PINX1: variants seen among roughly 807,000 people sequenced by gnomAD.
PINX1 encodes the protein PIN2 (TERF1) interacting telomerase inhibitor 1, also known as PIN2/TERF1-interacting telomerase inhibitor 1.
In PINX1, 34 loss-of-function variants were observed where a neutral mutation model predicts 25.4. That is an observed-to-expected ratio of 1.34 (90% CI 1.02 to 1.78). The LOEUF is 1.78. Among genes scored for constraint, PINX1 ranks in the 40% most tolerant of loss-of-function variants. The pLI, the probability that PINX1 is intolerant of heterozygous loss-of-function variation, is 0.00. For missense variants in PINX1, 592 were observed against 404.9 expected (o/e 1.46, Z -3.97); for synonymous variants, 197 against 147.7 (o/e 1.33, Z -2.42).
chr8:10,832,776 G>A, intron 3 of PINX1, 116 bp downstream of exon 3: 1 of 591,620 alleles, frequency 1.7e-6, no homozygotes, highest in South Asian at 2.3e-5. Flanking sequence ...GAGGAAACGT[G>A]AATAAAAAGA....
At chr8:10,829,687 A>T (rs1347430813) in intron 4 of PINX1, among the ~76,000 whole-genome samples, 3 of 128,450 alleles carry the variant, frequency 2.3e-5, no homozygotes, top group Admixed American at 1.5e-4. Context: ...ACATTCTTAC[A>T]TTCTTTTTTT....
intron 6 of PINX1, among the ~76,000 whole-genome samples, chr8:10,802,504 G>A (rs372962230): frequency 6.6e-6 from 1 of 152,154 alleles, no homozygotes; most frequent in East Asian, 1.9e-4. Context: ...TACTTTTTGG[G>A]CTTGCTCCCA....
At position 10,780,506 on chromosome 8, in the gene PINX1, T is replaced by C. The variant is rs973461147; in HGVS notation, c.472-14590A>G. Among the ~76,000 whole-genome samples, 49 of 152,256 alleles carry C rather than the reference T, an allele frequency of 3.2e-4. 1 individual carries two copies. Among genetic ancestry groups the C allele is most frequent in the African/African-American group, 9.1e-4 (38 of 41,540 alleles). ...CCATCTGTTAATATAATGCATTACA[T>C]TGACTGACTTACACAGTTAAACCAG... On this transcript the variant is annotated intron_variant, in intron 6 of 6. Transcript: ENST00000314787.
chr8:10,772,545 C>T (rs1023567339), intron 6 of PINX1, among the ~76,000 whole-genome samples: 6 of 152,212 alleles, frequency 3.9e-5, no homozygotes, highest in African/African-American at 1.4e-4. Context: ...AAATCTTGTA[C>T]ATTTTTCAAG....
At chr8:10,837,677 G>T (rs1173737938) in intron 1 of PINX1, among the ~76,000 whole-genome samples, 1 of 151,944 alleles carries the variant, frequency 6.6e-6, no homozygotes, top group Non-Finnish European at 1.5e-5. Context: ...TGGGTCTGTC[G>T]GGATACTTTT....
intron 5 of PINX1, chr8:10,825,569 C>T (rs1373439512): frequency 2.3e-6 from 1 of 434,104 alleles, no homozygotes; most frequent in Non-Finnish European, 4.7e-6. Context: ...TGGGAAGGGG[C>T]TAGGGAGGTG....
intron 6 of PINX1, among the ~76,000 whole-genome samples, chr8:10,815,417 AC>A (rs1450046931): frequency 5.3e-5 from 8 of 152,350 alleles, no homozygotes; most frequent in African/African-American, 1.9e-4. Flanking sequence ...CACATTCTTT[AC>A]TTGGCATAGT....
At chr8:10,833,334 T>G (rs961170624) in intron 2 of PINX1, among the ~76,000 whole-genome samples, 3 of 152,156 alleles carry the variant, frequency 2.0e-5, no homozygotes, top group African/African-American at 7.2e-5. Context: ...ACGGGAGGAA[T>G]TTGGATTTTA....
intron 5 of PINX1, among the ~76,000 whole-genome samples, chr8:10,823,222 A>G (rs1185472116): frequency 6.6e-6 from 1 of 152,220 alleles, no homozygotes; most frequent in East Asian, 1.9e-4. Flanking sequence ...CCCGACCAGG[A>G]AGCCGAGCAC....
intron 6 of PINX1, among the ~76,000 whole-genome samples, chr8:10,818,113 G>A (rs2052963): frequency 6.6e-6 from 1 of 151,912 alleles, no homozygotes; most frequent in African/African-American, 2.4e-5. Context: ...GGGCCTGGTA[G>A]AAGACCACCT....
At chr8:10,784,401 C>A (rs1194893180) in intron 6 of PINX1, among the ~76,000 whole-genome samples, 1 of 152,178 alleles carries the variant, frequency 6.6e-6, no homozygotes, top group Non-Finnish European at 1.5e-5. Flanking sequence ...TATTTTAAAG[C>A]TGATACTCTA....
intron 6 of PINX1, among the ~76,000 whole-genome samples, chr8:10,788,867 A>G (rs1232352685): frequency 6.6e-6 from 1 of 152,164 alleles, no homozygotes; most frequent in African/African-American, 2.4e-5. Context: ...AGAGACCGCT[A>G]CTAATGTTAG....
At chr8:10,777,891 G>T (rs1281360098) in intron 6 of PINX1, among the ~76,000 whole-genome samples, 2 of 152,144 alleles carry the variant, frequency 1.3e-5, no homozygotes, top group East Asian at 3.9e-4. Context: ...GTTGCAGAGC[G>T]GGTGCCTTCC....
chr8:10,785,753 T>C (rs568536136), intron 6 of PINX1, among the ~76,000 whole-genome samples: 26 of 152,360 alleles, frequency 1.7e-4, no homozygotes, highest in African/African-American at 6.0e-4. Context: ...ACCCAGTATG[T>C]GGAGGTCTGT....
At chr8:10,818,897 T>C (rs1376640894) in intron 6 of PINX1, among the ~76,000 whole-genome samples, 1 of 152,136 alleles carries the variant, frequency 6.6e-6, no homozygotes, top group Non-Finnish European at 1.5e-5. Flanking sequence ...AGAGGCCATG[T>C]CCTTGGTGAA....
chr8:10,779,998 T>C (rs573066449), intron 6 of PINX1, among the ~76,000 whole-genome samples: 1 of 152,180 alleles, frequency 6.6e-6, no homozygotes, highest in Non-Finnish European at 1.5e-5. Context: ...TAAATACCAC[T>C]TAGGGTCATC....
chr8:10,836,148 G>A (rs1442289781), intron 1 of PINX1, among the ~76,000 whole-genome samples: 2 of 152,058 alleles, frequency 1.3e-5, no homozygotes, highest in Non-Finnish European at 2.9e-5. Flanking sequence ...GGCTCACTGT[G>A]GCACACATAA....
At chr8:10,806,881 A>T (rs1456660221) in intron 6 of PINX1, among the ~76,000 whole-genome samples, 3 of 152,178 alleles carry the variant, frequency 2.0e-5, no homozygotes, top group African/African-American at 7.2e-5. Flanking sequence ...TTCTCTAGAG[A>T]AGCCAAGCCC....
chr8:10,825,560 G>A (rs1437823950), intron 5 of PINX1: 1 of 474,538 alleles, frequency 2.1e-6, no homozygotes, highest in East Asian at 6.1e-5. Context: ...TTCACATACT[G>A]GGAAGGGGCT....
Sources: gnomAD v4.1 joint callset for allele counts (sites outside exome capture counted in the v4.1 genomes callset) on GRCh38, gnomAD v4.1.1 for gene constraint, MANE v1.5 for transcripts, NCBI Gene and HGNC (gene_info 2026-07-23, HGNC 2026-07-21) for gene names.